DTX1: variants seen among roughly 807,000 people sequenced by gnomAD.
DTX1 encodes the protein deltex E3 ubiquitin ligase 1.
A neutral mutation model predicts 57.8 loss-of-function variants in DTX1; 26 were observed. The ratio of observed to expected loss-of-function variants is 0.45; its 90% CI spans 0.33 to 0.62. The LOEUF is 0.62. DTX1 is among the 20% of genes least tolerant of loss of function. DTX1 has a pLI of 0.02. For synonymous variants in DTX1, 398 were observed against 394.1 expected, an observed-to-expected ratio of 1.01 and a Z score of -0.12; for missense variants, 704 against 895.3, an observed-to-expected ratio of 0.79 and a Z score of 2.73.
chr12:113,058,706 G>C (rs1054918563), intron 2 of DTX1, among the ~76,000 whole-genome samples: 4 of 152,146 alleles, frequency 2.6e-5, no homozygotes, highest in Non-Finnish European at 4.4e-5. Context: ...CTGCAAAATG[G>C]GTAGATCAAT....
chr12:113,064,851 G>A (rs534673622), intron 2 of DTX1, among the ~76,000 whole-genome samples: 2 of 152,356 alleles, frequency 1.3e-5, no homozygotes, highest in African/African-American at 4.8e-5. Context: ...CTTCAGCCAT[G>A]GGATGTGCAT....
At chr12:113,078,786 T>A (rs1217945145) in intron 3 of DTX1, among the ~76,000 whole-genome samples, 6 of 152,106 alleles carry the variant, frequency 3.9e-5, no homozygotes, top group Non-Finnish European at 8.8e-5. Flanking sequence ...AAGCATCAGC[T>A]GCTTGTCCAA....
intron 2 of DTX1, among the ~76,000 whole-genome samples, chr12:113,065,350 G>C (rs2044696862): frequency 6.6e-6 from 1 of 152,218 alleles, no homozygotes; most frequent in East Asian, 1.9e-4. Context: ...TCTGAGATCA[G>C]ATCCAGGTCT....
rs1285825113 is a variant in DTX1 at position 113,095,107 on chromosome 12, TG to T, written c.1455del (p.Lys486ArgfsTer116). ...YGEKTGTQPP[G>X]KMEFHLIPHS... ...GGGAGAAGACGGGTACGCAGCCGCC[TG>T]GGAAGATGGAGTTCCACCTCATCCC... On this transcript the variant is annotated frameshift_variant, in exon 8 of 10. Transcript: ENST00000548759. LOFTEE classifies it high-confidence loss of function. The T allele has an allele frequency of 6.2e-7, 1 of 1,613,710 alleles. No homozygotes were observed. Among genetic ancestry groups the T allele is most frequent in the Non-Finnish European group, 8.5e-7 (1 of 1,179,780 alleles).
At chr12:113,065,260 G>A (rs777139751) in intron 2 of DTX1, among the ~76,000 whole-genome samples, 1 of 152,200 alleles carries the variant, frequency 6.6e-6, no homozygotes, top group Non-Finnish European at 1.5e-5. Context: ...CCCAGCCAGC[G>A]GGTGTCACCC....
rs1469688724 is a variant in DTX1 at position 113,077,851 on chromosome 12, G to A, written c.687G>A (p.Ala229=). 8 of 1,327,446 alleles carry A rather than the reference G, an allele frequency of 6.0e-6. No individual in the cohort carries two copies. The highest frequency in any genetic ancestry group is 3.1e-5 in the African/African-American group (2 of 64,220). The allele number at this position is 1,327,446 out of a possible 1,614,324, so 82.2% of individuals were successfully genotyped here. ...CGCAGCGCCGCAAGGCGCCCCCCGCGCCCCCGCTGCCGCCGCCGCCGCCAC... is the reference window on the plus strand; with the variant it reads ...CGCAGCGCCGCAAGGCGCCCCCCGCACCCCCGCTGCCGCCGCCGCCGCCAC... The part of the protein sequence containing the change: ...LASQRRKAPP[A]PPLPPPPPPG... The change falls in exon 3 of 10, where the codon GCG becomes GCA. Residue 229 remains alanine, a synonymous_variant. Transcript: ENST00000548759. The surrounding 1 kb of genome is among the most constrained non-coding windows in gnomAD (Gnocchi z 7.8).
chr12:113,058,487 C>G (rs748998143), intron 2 of DTX1, 36 bp downstream of exon 2: 18 of 1,566,014 alleles, frequency 1.1e-5, no homozygotes, highest in Non-Finnish European at 8.6e-6. Flanking sequence ...CCCGCCCCGC[C>G]GAGCCATCAC....
At position 113,077,027 on chromosome 12, in the gene DTX1, G is replaced by A. The variant is rs991562081; in HGVS notation, c.260-397G>A. Among the ~76,000 whole-genome samples the A allele has an allele frequency of 7.4e-4, 113 of 152,036 alleles. No individual in the cohort carries two copies. The highest frequency in any genetic ancestry group is 2.7e-3 in the African/African-American group (110 of 41,474). On this transcript the variant is annotated intron_variant, in intron 2 of 9. Transcript: ENST00000548759. The surrounding 1 kb of genome is among the most constrained non-coding windows in gnomAD (Gnocchi z 7.8). ...TCTTGGCCCTGGAGAGGTGGAGGGT[G>A]GGGGAGCCCTCCACACCTTGCTGGT...
chr12:113,061,651 G>A (rs1040409211), intron 2 of DTX1, among the ~76,000 whole-genome samples: 9 of 152,148 alleles, frequency 5.9e-5, no homozygotes, highest in Admixed American at 1.3e-4. Context: ...CATCTAGCAC[G>A]TGCTCACCAC....
chr12:113,095,624 A>G lies in DTX1; in HGVS notation c.1638+210A>G, dbSNP rs911579038. The G allele has an allele frequency of 1.5e-5, 9 of 608,566 alleles. No individual in the cohort carries two copies. In the African/African-American group the frequency reaches 1.7e-4, roughly 11 times the overall value. 37.7% of individuals were successfully genotyped at this position (608,566 alleles called of 1,614,324 possible). On this transcript the variant is annotated intron_variant, in intron 9 of 9. Coordinates refer to ENST00000548759, the MANE Select transcript of DTX1 (RefSeq NM_004416.3). ...GAGGTCAAGATCCTGACCCCATTTT[A>G]TAGACAAAGACACAAGGCTTCAGAA... is the stretch of plus-strand genomic sequence containing the variant.
At position 113,094,869 on chromosome 12, in the gene DTX1, G is replaced by C. The variant is rs376460047; in HGVS notation, c.1308G>C (p.Glu436Asp). 3.7e-6 allele frequency: 6 copies of C among 1,613,650 alleles called. No homozygotes were observed. The highest frequency in any genetic ancestry group is 2.7e-5 in the African/African-American group (2 of 74,956). ...TTCGGCACAAGGGCGTGCGGCCTGA[G>C]CTCGTGGGCCGCCTGGGCCGCTGTG... ...GVLRHKGVRPELVGRLGRCGH... is the reference protein window; with the variant it reads ...GVLRHKGVRPDLVGRLGRCGH... The change falls in exon 7 of 10, where the codon GAG becomes GAC. Residue 436 changes from glutamate (E) to aspartate (D), a missense_variant. This residue lies in a region of DTX1 where 299 missense variants were observed against 311.2 expected (regional missense o/e 0.96). Transcript: ENST00000548759.
chr12:113,068,440 A>G (rs2079194141), intron 2 of DTX1, among the ~76,000 whole-genome samples: 1 of 152,218 alleles, frequency 6.6e-6, no homozygotes, highest in African/African-American at 2.4e-5. Flanking sequence ...AAGAAGACAG[A>G]GTGCTTGTGC....
intron 3 of DTX1, among the ~76,000 whole-genome samples, chr12:113,089,427 G>T (rs1254009867): frequency 6.6e-6 from 1 of 152,090 alleles, no homozygotes; most frequent in East Asian, 1.9e-4. Context: ...AGTAGATTTC[G>T]GGGAGGGCCT....
chr12:113,085,249 C>A (rs1278533262), intron 3 of DTX1, among the ~76,000 whole-genome samples: 2 of 152,136 alleles, frequency 1.3e-5, no homozygotes, highest in Non-Finnish European at 2.9e-5. Context: ...GGGGTTTCAC[C>A]ATGTTTGCCA....
intron 2 of DTX1, among the ~76,000 whole-genome samples, chr12:113,069,111 C>G (rs1467729986): frequency 6.6e-6 from 1 of 152,226 alleles, no homozygotes; most frequent in African/African-American, 2.4e-5. Flanking sequence ...CAGCGCCTGG[C>G]ACATAGTAGG....
chr12:113,058,183 A>C lies in DTX1; in HGVS notation c.-10A>C. On this transcript the variant is annotated 5_prime_UTR_variant, in exon 2 of 10. Coordinates refer to ENST00000548759, the MANE Select transcript of DTX1 (RefSeq NM_004416.3). ...TAGTGGGGGACCTGGCCCCTGAGGC[A>C]GTGGCGGCCATGTCACGGCCAGGCC... 6.3e-7 allele frequency: 1 copy of C among 1,592,184 alleles called. No individual in the cohort carries two copies. Among genetic ancestry groups the C allele is most frequent in the Non-Finnish European group, 8.6e-7 (1 of 1,167,924 alleles).
chr12:113,065,779 CG>C (rs1379671327), intron 2 of DTX1, among the ~76,000 whole-genome samples: 1 of 149,182 alleles, frequency 6.7e-6, no homozygotes, highest in Non-Finnish European at 1.5e-5. Flanking sequence ...GAGAGGGTGA[CG>C]AGGAGGGGCC....
Position 113,078,034 on chromosome 12 carries a change from G to A in DTX1, c.870G>A (p.Gly290=), listed in dbSNP as rs759999709. 318 of 1,309,002 alleles carry A rather than the reference G, an allele frequency of 2.4e-4. 1 individual carries two copies. The highest frequency in any genetic ancestry group is 3.0e-4 in the Non-Finnish European group (305 of 1,026,592). The allele number at this position is 1,309,002 out of a possible 1,614,324, so 81.1% of individuals were successfully genotyped here. Reference sequence around the variant, plus strand: ...CCCCCGGCGGAGCGCGCACCCCGGGGCAGAACAACCTCAACCGGCCCGGGC... The same window carrying A: ...CCCCCGGCGGAGCGCGCACCCCGGGACAGAACAACCTCAACCGGCCCGGGC... ...PGAPGGARTP[G]QNNLNRPGPQ... The change falls in exon 3 of 10, where the codon GGG becomes GGA. Residue 290 remains glycine, a synonymous_variant. Coordinates refer to ENST00000548759, the MANE Select transcript of DTX1 (RefSeq NM_004416.3).
In DTX1 at chr12:113,097,124, G is replaced by C. The variant is rs558740041; in HGVS notation, c.*185G>C. 1.5e-6 allele frequency: 1 copy of C among 654,968 alleles called. No homozygotes were observed. The highest frequency in any genetic ancestry group is 1.8e-5 in the African/African-American group (1 of 54,840). The allele number at this position is 654,968 out of a possible 1,614,324, so 40.6% of individuals were successfully genotyped here. The stretch of plus-strand genomic sequence containing the variant: ...AGAGATGGCATGTCAGGCTGGCCCC[G>C]AATCATAGCTCCCTGAGAGGGCCAA... On this transcript the variant is annotated 3_prime_UTR_variant, in exon 10 of 10. Transcript: ENST00000548759.
Sources: allele counts gnomAD v4.1 joint callset (sites outside exome capture counted in the v4.1 genomes callset), GRCh38; gene constraint gnomAD v4.1.1; regional missense constraint gnomAD v4.1.1; non-coding constraint Gnocchi (gnomAD v3.1); transcripts MANE v1.5; gene names NCBI Gene and HGNC (gene_info 2026-07-23, HGNC 2026-07-21).